ARHGAP42: variants seen among roughly 807,000 people sequenced by gnomAD.
The protein encoded by ARHGAP42 is rho GTPase-activating protein 42.
In ARHGAP42, 63 loss-of-function variants were observed where a neutral mutation model predicts 125.0. The observed-to-expected ratio is 0.50, with a 90% confidence interval of 0.41 to 0.62. ARHGAP42 has a LOEUF of 0.62. ARHGAP42 is among the 20% of genes least tolerant of loss of function. The probability of loss-of-function intolerance (pLI) is 0.00; values close to 1 mark genes in which losing one functional copy is unlikely to be tolerated. For synonymous variants in ARHGAP42, 339 were observed against 351.0 expected (o/e 0.97, Z 0.38); for missense variants, 766 against 1,024.2 (o/e 0.75, Z 3.44).
At chr11:100,853,914 GA>G (rs150872695) in intron 3 of ARHGAP42, among the ~76,000 whole-genome samples, 10,675 of 147,102 alleles carry the variant, frequency 0.073, 521 homozygotes, top group East Asian at 0.25. Context: ...CTAATTCATT[GA>G]AAAAAAAAAA....
intron 4 of ARHGAP42, among the ~76,000 whole-genome samples, chr11:100,900,595 C>T (rs1866517616): frequency 6.6e-6 from 1 of 151,960 alleles, no homozygotes; most frequent in Non-Finnish European, 1.5e-5. Context: ...TTCTTGGAGG[C>T]TTTGTTCATT....
intron 12 of ARHGAP42, among the ~76,000 whole-genome samples, chr11:100,953,681 C>T (rs1320604272): frequency 3.3e-5 from 5 of 151,806 alleles, no homozygotes; most frequent in Admixed American, 6.6e-5. Flanking sequence ...GTATGGATGC[C>T]ATAAATGAGA....
intron 10 of ARHGAP42, among the ~76,000 whole-genome samples, chr11:100,944,121 A>T (rs1867954642): frequency 6.6e-6 from 1 of 152,078 alleles, no homozygotes; most frequent in African/African-American, 2.4e-5. Flanking sequence ...GTATTAGGAG[A>T]AAGTGCATGT....
chr11:100,687,998 G>A (rs893848437), intron 1 of ARHGAP42, 166 bp downstream of exon 1: 80 of 722,688 alleles, frequency 1.1e-4, no homozygotes, highest in Non-Finnish European at 1.6e-4. Flanking sequence ...TGTTCTTGAG[G>A]TGTTCTTTAC....
intron 3 of ARHGAP42, among the ~76,000 whole-genome samples, chr11:100,815,388 G>A (rs674693): frequency 0.27 from 40,632 of 152,084 alleles, 5,638 homozygotes; most frequent in African/African-American, 0.36. Context: ...GGCAAATTGT[G>A]TGAAAGAGAA....
intron 10 of ARHGAP42, among the ~76,000 whole-genome samples, chr11:100,946,567 T>G (rs1266197509): frequency 1.3e-5 from 2 of 152,022 alleles, no homozygotes; most frequent in African/African-American, 2.4e-5. Context: ...TGGACTAATT[T>G]TAATATTGTT....
chr11:100,829,793 A>G (rs1864622979), intron 3 of ARHGAP42, among the ~76,000 whole-genome samples: 1 of 152,222 alleles, frequency 6.6e-6, no homozygotes. Flanking sequence ...TTACCCAGGT[A>G]TTCCTTGATT....
intron 16 of ARHGAP42, among the ~76,000 whole-genome samples, chr11:100,964,724 A>T (rs1158028801): frequency 6.6e-6 from 1 of 152,226 alleles, no homozygotes; most frequent in Non-Finnish European, 1.5e-5. Flanking sequence ...GACACTTGCC[A>T]TAAATGAGTT....
At chr11:100,725,974 T>C (rs1424383080) in intron 1 of ARHGAP42, among the ~76,000 whole-genome samples, 5 of 147,012 alleles carry the variant, frequency 3.4e-5, no homozygotes, top group South Asian at 4.3e-4. Flanking sequence ...GGTGCGTACC[T>C]GTAGTCCCAG....
At chr11:100,733,941 T>TTTG (rs1862009242) in intron 1 of ARHGAP42, among the ~76,000 whole-genome samples, 2 of 146,504 alleles carry the variant, frequency 1.4e-5, no homozygotes, top group Admixed American at 6.8e-5. Flanking sequence ...TTTTTTTTTT[T>TTTG]TTTTTTTTTT....
chr11:100,913,563 T>C lies in ARHGAP42; in HGVS notation c.486+10T>C, dbSNP rs1287346867. The C allele has an allele frequency of 3.2e-6, 4 of 1,262,970 alleles. No homozygotes were observed. Among genetic ancestry groups the C allele is most frequent in the Non-Finnish European group, 4.1e-6 (4 of 965,956 alleles). The allele number at this position is 1,262,970 out of a possible 1,614,324, so 78.2% of individuals were successfully genotyped here. On this transcript the variant is annotated intron_variant, in intron 5 of 23. Transcript: ENST00000298815. Reference sequence around the variant, plus strand: ...GTCTCATTTACAAGAGGTAAGCTTTTCCAACTGAAATAATGGAAAAGGCAT... The same window carrying C: ...GTCTCATTTACAAGAGGTAAGCTTTCCCAACTGAAATAATGGAAAAGGCAT...
At chr11:100,880,373 G>A (rs1470556647) in intron 4 of ARHGAP42, among the ~76,000 whole-genome samples, 2 of 152,136 alleles carry the variant, frequency 1.3e-5, no homozygotes, top group African/African-American at 2.4e-5. Flanking sequence ...CCATTCCTGA[G>A]TTACTTCACT....
intron 1 of ARHGAP42, among the ~76,000 whole-genome samples, chr11:100,755,975 C>A (rs1053510980): frequency 6.6e-6 from 1 of 152,018 alleles, no homozygotes; most frequent in Non-Finnish European, 1.5e-5. Flanking sequence ...TATATAATGT[C>A]ATTATTTAAT....
chr11:100,881,593 GT>G (rs71074720), intron 4 of ARHGAP42, among the ~76,000 whole-genome samples: 1 of 152,078 alleles, frequency 6.6e-6, no homozygotes, highest in African/African-American at 2.4e-5. Context: ...TTTTTGGATT[GT>G]TTTTTCTAGT....
chr11:100,850,466 T>C (rs986024447), intron 3 of ARHGAP42, among the ~76,000 whole-genome samples: 7 of 152,172 alleles, frequency 4.6e-5, no homozygotes, highest in African/African-American at 1.7e-4. Context: ...ATTCTTCAGC[T>C]CCATTATAAT....
chr11:100,943,817 A>G lies in ARHGAP42; in HGVS notation c.992A>G (p.Lys331Arg). The change falls in exon 10 of 24, where the codon AAG (lysine) becomes AGG (arginine). Residue 331 changes from lysine (K) to arginine (R), a missense_variant. Physicochemically the swap from Lys to Arg is conservative, Grantham distance 26. Coordinates refer to ENST00000298815, the MANE Select transcript of ARHGAP42 (RefSeq NM_152432.4). The stretch of plus-strand genomic sequence containing the variant: ...AAATTAAAATCTTGTATCCGACGAA[A>G]GACAGATTCAATTGACAAACGATTC... ...MFKLKSCIRR[K>R]TDSIDKRFCF... 1 of 1,549,912 alleles carries G rather than the reference A, an allele frequency of 6.5e-7. No homozygotes were observed. The highest frequency in any genetic ancestry group is 8.7e-7 in the Non-Finnish European group (1 of 1,145,894).
chr11:100,746,712 A>G (rs1189973808), intron 1 of ARHGAP42, among the ~76,000 whole-genome samples: 1 of 152,186 alleles, frequency 6.6e-6, no homozygotes. Context: ...GTGCACCTTA[A>G]AGAAACCTAT....
At chr11:100,775,096 A>G (rs905506777) in intron 2 of ARHGAP42, among the ~76,000 whole-genome samples, 5 of 152,024 alleles carry the variant, frequency 3.3e-5, no homozygotes, top group Non-Finnish European at 5.9e-5. Context: ...AGGATAAATG[A>G]GCTGCAGGTG....
At chr11:100,808,657 G>A (rs1200974374) in intron 3 of ARHGAP42, among the ~76,000 whole-genome samples, 1 of 150,304 alleles carries the variant, frequency 6.7e-6, no homozygotes, top group Non-Finnish European at 1.5e-5. Context: ...CACCCGCCTC[G>A]GCCTCCCAAA....
Sources: gnomAD v4.1 joint callset for allele counts (sites outside exome capture counted in the v4.1 genomes callset) on GRCh38, gnomAD v4.1.1 for gene constraint, MANE v1.5 for transcripts, NCBI Gene and HGNC (gene_info 2026-07-23, HGNC 2026-07-21) for gene names.